Variants in RTL4 observed in about 807,000 individuals in gnomAD.
RTL4 encodes the protein retrotransposon Gag like 4.
In RTL4, 4 loss-of-function variants were observed where a neutral mutation model predicts 5.3. The ratio of observed to expected loss-of-function variants is 0.75; its 90% CI spans 0.37 to 1.72. The LOEUF (loss-of-function observed/expected upper bound fraction) is 1.72. Among genes scored for constraint, RTL4 ranks in the 40% most tolerant of loss-of-function variants. RTL4 has a pLI of 0.04. For missense variants in RTL4, 260 were observed against 227.1 expected (o/e 1.14, Z -0.93); for synonymous variants, 98 against 87.3 (o/e 1.12, Z -0.68).
the RTL4 span, among the ~76,000 whole-genome samples, chrX:112,105,897 C>G: frequency 1.8e-5 from 2 of 111,479 alleles, no homozygotes; most frequent in African/African-American, 3.3e-5. Context: ...ACTATTCAGA[C>G]TAGGACTTCC....
the RTL4 span, among the ~76,000 whole-genome samples, chrX:112,310,264 C>G: frequency 5.1e-3 from 459 of 90,837 alleles, 3 homozygotes; most frequent in African/African-American, 0.018. Flanking sequence ...AGACACCAGA[C>G]AGCTTACTTG....
chrX:112,220,589 T>C, the RTL4 span, among the ~76,000 whole-genome samples: 76 of 112,745 alleles, frequency 6.7e-4, no homozygotes, highest in Non-Finnish European at 6.9e-4. Context: ...TTCCAGAAAA[T>C]GGGTTGTTTT....
chrX:112,156,390 A>T, the RTL4 span, among the ~76,000 whole-genome samples: 1 of 112,642 alleles, frequency 8.9e-6, no homozygotes, highest in East Asian at 2.8e-4. Context: ...CCTTCTGCTA[A>T]CAGATATCAA....
At chrX:112,419,111 CA>C in the RTL4 span, among the ~76,000 whole-genome samples, 359 of 101,883 alleles carry the variant, frequency 3.5e-3, 2 homozygotes, top group African/African-American at 0.012. Context: ...TAAGGATCCA[CA>C]GGGGCTACTC....
chrX:112,236,683 T>C, the RTL4 span, among the ~76,000 whole-genome samples: 1 of 106,425 alleles, frequency 9.4e-6, no homozygotes, highest in African/African-American at 3.4e-5. Context: ...CAGAGACAAA[T>C]TGTAGATCAG....
chrX:112,169,068 C>CT, the RTL4 span, among the ~76,000 whole-genome samples: 2 of 46,010 alleles, frequency 4.3e-5, no homozygotes, highest in African/African-American at 1.5e-4. Context: ...TTCTTTCTTT[C>CT]TTTTTTCTTT....
the RTL4 span, among the ~76,000 whole-genome samples, chrX:112,327,213 A>G: frequency 5.4e-5 from 6 of 112,038 alleles, no homozygotes; most frequent in East Asian, 1.4e-3. Flanking sequence ...ACTCCGAGCT[A>G]TGGGAGGACA....
the RTL4 span, among the ~76,000 whole-genome samples, chrX:112,159,403 G>A: frequency 1.8e-5 from 2 of 111,994 alleles, no homozygotes; most frequent in African/African-American, 3.2e-5. Flanking sequence ...ACCCAGCATC[G>A]CTGTGAAGTT....
the RTL4 span, among the ~76,000 whole-genome samples, chrX:112,406,560 C>A: frequency 5.4e-5 from 6 of 111,319 alleles, no homozygotes; most frequent in Non-Finnish European, 9.4e-5. Flanking sequence ...ACCATGCCCC[C>A]CCTCCAACAC....
chrX:112,322,273 C>G, the RTL4 span, among the ~76,000 whole-genome samples: 13 of 111,002 alleles, frequency 1.2e-4, no homozygotes, highest in East Asian at 3.7e-3. Flanking sequence ...TCTTCTTCCA[C>G]CAATTTTAAT....
chrX:112,227,035 C>T, the RTL4 span, among the ~76,000 whole-genome samples: 1 of 92,449 alleles, frequency 1.1e-5, no homozygotes, highest in South Asian at 4.3e-4. Context: ...ATAGTACAGC[C>T]GATAGTATAG....
the RTL4 span, among the ~76,000 whole-genome samples, chrX:112,161,844 C>CCTTCCTTCCTTCCTTTCTTT: frequency 4.2e-4 from 17 of 40,055 alleles, no homozygotes; most frequent in African/African-American, 1.9e-3. Context: ...TTCCTTCCTT[C>CCTTCCTTCCTTCCTTTCTTT]CTTTCTTTCT....
the RTL4 span, among the ~76,000 whole-genome samples, chrX:112,101,422 A>C: frequency 2.7e-5 from 3 of 111,716 alleles, no homozygotes; most frequent in East Asian, 2.8e-4. Context: ...TTTGTCAAAC[A>C]AAAAAGGAGA....
At chrX:112,403,883 G>T in the RTL4 span, among the ~76,000 whole-genome samples, 1 of 112,038 alleles carries the variant, frequency 8.9e-6, no homozygotes, top group Non-Finnish European at 1.9e-5. Flanking sequence ...AACTTTTTTT[G>T]AAACATGGAA....
At chrX:112,187,463 G>A in the RTL4 span, among the ~76,000 whole-genome samples, 6 of 111,488 alleles carry the variant, frequency 5.4e-5, no homozygotes, top group Admixed American at 9.6e-5. Context: ...TGGGGGCACC[G>A]TGGTACAGAA....
At chrX:112,159,207 G>T in the RTL4 span, among the ~76,000 whole-genome samples, 1 of 112,298 alleles carries the variant, frequency 8.9e-6, no homozygotes, top group East Asian at 2.8e-4. Flanking sequence ...CTTCTAATGA[G>T]ATTTTGAAAA....
the RTL4 span, among the ~76,000 whole-genome samples, chrX:112,254,385 A>G: frequency 9.2e-6 from 1 of 108,609 alleles, no homozygotes; most frequent in Non-Finnish European, 1.9e-5. Flanking sequence ...GCTGGAGTGC[A>G]GTGGTGCGAC....
chrX:112,135,241 C>G, the RTL4 span, among the ~76,000 whole-genome samples: 4 of 111,814 alleles, frequency 3.6e-5, no homozygotes, highest in Admixed American at 9.5e-5. Context: ...TAATTTTAGG[C>G]ATTCTCATAG....
chrX:112,220,053 T>C, the RTL4 span, among the ~76,000 whole-genome samples: 1 of 112,009 alleles, frequency 8.9e-6, no homozygotes, highest in Non-Finnish European at 1.9e-5. Context: ...TAATCAGTTA[T>C]GCTTATTCAT....
Sources: gnomAD v4.1 joint callset for allele counts (sites outside exome capture counted in the v4.1 genomes callset) on GRCh38, gnomAD v4.1.1 for gene constraint, MANE v1.5 for transcripts, NCBI Gene and HGNC (gene_info 2026-07-23, HGNC 2026-07-21) for gene names.